Variants in TVP23C observed in about 807,000 individuals in gnomAD.
TVP23C encodes the protein trans-golgi network vesicle protein 23 homolog C.
In TVP23C, 19 loss-of-function variants were observed where a neutral mutation model predicts 28.7. The observed-to-expected ratio is 0.66, with a 90% confidence interval of 0.46 to 0.97. TVP23C has a LOEUF of 0.97. Ranked by LOEUF, TVP23C falls within the 50% of genes least tolerant of loss-of-function variation. TVP23C has a pLI of 0.00. For synonymous variants in TVP23C, 68 were observed against 81.7 expected, an observed-to-expected ratio of 0.83 and a Z score of 0.90; for missense variants, 186 against 241.3, an observed-to-expected ratio of 0.77 and a Z score of 1.52.
chr17:15,508,525 G>C (rs1050029128), intron 5 of TVP23C, among the ~76,000 whole-genome samples: 1 of 152,080 alleles, frequency 6.6e-6, no homozygotes, highest in African/African-American at 2.4e-5. Context: ...CTGTTCCTCG[G>C]AGGACTGGGG....
At chr17:15,559,580 A>T (rs1984288796) in intron 1 of TVP23C, among the ~76,000 whole-genome samples, 1 of 148,440 alleles carries the variant, frequency 6.7e-6, no homozygotes, top group African/African-American at 2.4e-5. Flanking sequence ...AAAAATCTGG[A>T]GGGGGAGGGG....
intron 5 of TVP23C, among the ~76,000 whole-genome samples, chr17:15,543,791 T>TA (rs1983527568): frequency 1.3e-5 from 2 of 151,860 alleles, no homozygotes; most frequent in Non-Finnish European, 2.9e-5. Flanking sequence ...AGCTCTGACA[T>TA]AAGAGTGAAC....
intron 5 of TVP23C, among the ~76,000 whole-genome samples, chr17:15,527,496 A>C (rs2108754): frequency 2.0e-5 from 3 of 152,074 alleles, no homozygotes; most frequent in African/African-American, 7.2e-5. Context: ...GACTGCTGCA[A>C]CTTTAGCTTA....
downstream of TVP23C, among the ~76,000 whole-genome samples, chr17:15,536,549 A>T (rs1983165579): frequency 6.6e-6 from 1 of 152,170 alleles, no homozygotes; most frequent in South Asian, 2.1e-4. Context: ...ATATTAGGGA[A>T]TACAGGGTAG....
chr17:15,549,048 CTTT>C (rs1983773736), intron 3 of TVP23C, among the ~76,000 whole-genome samples: 1 of 152,104 alleles, frequency 6.6e-6, no homozygotes, highest in South Asian at 2.1e-4. Flanking sequence ...CAGAAATTTA[CTTT>C]TTTAATATTT....
downstream of TVP23C, among the ~76,000 whole-genome samples, chr17:15,533,617 G>A (rs913365304): frequency 3.3e-5 from 5 of 152,142 alleles, no homozygotes; most frequent in East Asian, 1.9e-4. Flanking sequence ...ACAGATCTGC[G>A]GTTGAATCGA....
intron 5 of TVP23C, chr17:15,516,767 A>G (rs943183403): frequency 6.6e-6 from 1 of 152,278 alleles, no homozygotes; most frequent in Non-Finnish European, 1.5e-5. Flanking sequence ...GATTCCAGAA[A>G]GACTGTGTTT....
chr17:15,560,924 G>A (rs1249094719), intron 1 of TVP23C, among the ~76,000 whole-genome samples: 1 of 150,628 alleles, frequency 6.6e-6, no homozygotes, highest in Non-Finnish European at 1.5e-5. Context: ...CGTTTAAAAG[G>A]ATTAAAAAAC....
Position 15,523,821 on chromosome 17 carries a change from G to A in TVP23C, c.463-20589C>T, listed in dbSNP as rs538120773. 1.4e-3 allele frequency among the ~76,000 whole-genome samples: 217 copies of A among 151,988 alleles called. 2 individuals are homozygous for A. Among genetic ancestry groups the A allele is most frequent in the African/African-American group, 4.9e-3 (202 of 41,456 alleles). The stretch of plus-strand genomic sequence containing the variant: ...GTAGAGACGGGGATTCACCGTGTTA[G>A]CCAGGATGGTCTCGATCTCCTGACC... On this transcript the variant is annotated intron_variant, in intron 5 of 5. Coordinates refer to the TVP23C transcript ENST00000225576.
At position 15,553,805 on chromosome 17, in the gene TVP23C, G is replaced by T; in HGVS notation, c.120C>A (p.His40Gln). 1 of 1,613,862 alleles carries T rather than the reference G, an allele frequency of 6.2e-7. No homozygotes were observed. The highest frequency in any genetic ancestry group is 8.5e-7 in the Non-Finnish European group (1 of 1,179,836). Residue 40 changes from histidine to glutamine, a missense_variant, in exon 3 of 6, where the codon CAC becomes CAA. Coordinates refer to ENST00000518321, the MANE Select transcript of TVP23C (RefSeq NM_001135036.2). ...KIRHPVASFFHLFFRVSAIIV... is the reference protein window; with the variant it reads ...KIRHPVASFFQLFFRVSAIIV... ...TGATTGCACTGACTCGAAAGAATAA[G>T]TGGAAAAACGATGCTACTGGATGTC...
chr17:15,546,660 C>T (rs1323945213), intron 4 of TVP23C, among the ~76,000 whole-genome samples: 1 of 147,956 alleles, frequency 6.8e-6, no homozygotes, highest in Non-Finnish European at 1.5e-5. Context: ...TGCACTCCTC[C>T]TCCTTTTTCC....
At chr17:15,515,303 A>G (rs1982177120) in intron 5 of TVP23C, among the ~76,000 whole-genome samples, 2 of 152,008 alleles carry the variant, frequency 1.3e-5, no homozygotes, top group Admixed American at 1.3e-4. Context: ...TGCTCCCCCA[A>G]CTCAACTTTA....
At chr17:15,522,029 C>T (rs1390184086) in intron 5 of TVP23C, among the ~76,000 whole-genome samples, 2 of 152,244 alleles carry the variant, frequency 1.3e-5, no homozygotes, top group Admixed American at 6.5e-5. Context: ...AAACAAGTCA[C>T]GTGGTTAAGC....
At chr17:15,547,632 C>T (rs1983702968) in intron 3 of TVP23C, among the ~76,000 whole-genome samples, 1 of 152,190 alleles carries the variant, frequency 6.6e-6, no homozygotes, top group Admixed American at 6.5e-5. Context: ...TCTTTATTTA[C>T]TCAACAAATA....
intron 5 of TVP23C, among the ~76,000 whole-genome samples, chr17:15,515,320 T>C (rs890242957): frequency 1.6e-4 from 24 of 152,174 alleles, no homozygotes; most frequent in Non-Finnish European, 3.2e-4. Context: ...TTTACTCTCA[T>C]GGAACCAGAA....
intron 5 of TVP23C, among the ~76,000 whole-genome samples, chr17:15,545,025 A>T (rs1983582566): frequency 2.6e-5 from 4 of 152,250 alleles, no homozygotes; most frequent in Admixed American, 2.6e-4. Context: ...TAAGACTCAC[A>T]AATTGGGTCA....
chr17:15,559,405 C>T (rs549283362), intron 1 of TVP23C, among the ~76,000 whole-genome samples: 3 of 146,556 alleles, frequency 2.0e-5, no homozygotes, highest in South Asian at 4.5e-4. Flanking sequence ...CAAAAGATTT[C>T]GGGGCAAAAT....
intron 5 of TVP23C, among the ~76,000 whole-genome samples, chr17:15,515,216 C>G (rs1052261912): frequency 6.6e-6 from 1 of 152,250 alleles, no homozygotes; most frequent in African/African-American, 2.4e-5. Flanking sequence ...ACGTACACTC[C>G]AGAGTCTCCC....
chr17:15,513,997 G>A (rs150288849), intron 5 of TVP23C, among the ~76,000 whole-genome samples: 1 of 152,316 alleles, frequency 6.6e-6, no homozygotes, highest in African/African-American at 2.4e-5. Context: ...CCCAGGGCCT[G>A]TCACTAACCA....
Sources: allele counts gnomAD v4.1 joint callset (sites outside exome capture counted in the v4.1 genomes callset), GRCh38; gene constraint gnomAD v4.1.1; transcripts MANE v1.5; gene names NCBI Gene and HGNC (gene_info 2026-07-23, HGNC 2026-07-21).